Variants in LINGO2 observed in about 807,000 individuals in gnomAD.
LINGO2 encodes the protein leucine-rich repeat and immunoglobulin-like domain-containing nogo receptor-interacting protein 2.
Under a neutral mutation model 30.6 loss-of-function variants are expected in LINGO2, and 14 were observed. The ratio of observed to expected loss-of-function variants is 0.46; its 90% CI spans 0.30 to 0.72. LINGO2 has a LOEUF of 0.72. Among genes scored for constraint, LINGO2 ranks in the 30% least tolerant of loss-of-function variants. The pLI is 0.07. For synonymous variants in LINGO2, 317 were observed against 288.5 expected (o/e 1.10, Z -1.00); for missense variants, 729 against 751.7 (o/e 0.97, Z 0.35).
the LINGO2 span, among the ~76,000 whole-genome samples, chr9:28,848,363 TTGTG>T: frequency 5.6e-3 from 417 of 74,554 alleles, 2 homozygotes; most frequent in Middle Eastern, 0.014. Flanking sequence ...TACACATATA[TTGTG>T]TGTGTGTGTG....
chr9:28,871,800 T>C, the LINGO2 span, among the ~76,000 whole-genome samples: 1 of 152,014 alleles, frequency 6.6e-6, no homozygotes, highest in Non-Finnish European at 1.5e-5. Flanking sequence ...CTTTATATGT[T>C]GGAGCCTTAC....
intron 3 of LINGO2, among the ~76,000 whole-genome samples, chr9:28,357,014 C>T (rs1820234298): frequency 6.6e-6 from 1 of 151,982 alleles, no homozygotes; most frequent in African/African-American, 2.4e-5. Context: ...ATCTAGGCTC[C>T]TATGCAATCA....
At chr9:29,189,609 G>A in the LINGO2 span, among the ~76,000 whole-genome samples, 1 of 152,074 alleles carries the variant, frequency 6.6e-6, no homozygotes, top group Non-Finnish European at 1.5e-5. Context: ...TTCCCAGACG[G>A]GGTGGCGGCC....
At chr9:28,053,745 G>T (rs187427518) in intron 4 of LINGO2, among the ~76,000 whole-genome samples, 1 of 151,938 alleles carries the variant, frequency 6.6e-6, no homozygotes. Context: ...TGGGTATGTT[G>T]GTAATTTTTA....
intron 1 of LINGO2, among the ~76,000 whole-genome samples, chr9:28,589,912 G>C (rs1237708021): frequency 6.6e-6 from 1 of 152,062 alleles, no homozygotes; most frequent in African/African-American, 2.4e-5. Flanking sequence ...TATACTACAA[G>C]GCTACAGTAA....
At chr9:28,801,070 C>A in the LINGO2 span, among the ~76,000 whole-genome samples, 1 of 152,118 alleles carries the variant, frequency 6.6e-6, no homozygotes, top group Non-Finnish European at 1.5e-5. Context: ...TGGTCCAGTT[C>A]ATTTCCTAAT....
the LINGO2 span, among the ~76,000 whole-genome samples, chr9:28,773,410 G>A: frequency 1.3e-5 from 2 of 151,052 alleles, no homozygotes; most frequent in Non-Finnish European, 2.9e-5. Context: ...TGTAGTGTTT[G>A]AAGGATAGCT....
intron 1 of LINGO2, among the ~76,000 whole-genome samples, chr9:28,509,440 T>C (rs1820281762): frequency 6.6e-6 from 1 of 152,098 alleles, no homozygotes; most frequent in South Asian, 2.1e-4. Context: ...TATTTTCCTA[T>C]CTGGATATTT....
At chr9:28,473,098 T>C (rs1825590269) in intron 2 of LINGO2, among the ~76,000 whole-genome samples, 2 of 152,274 alleles carry the variant, frequency 1.3e-5, no homozygotes, top group Middle Eastern at 3.4e-3. Flanking sequence ...TCTTGTTATT[T>C]TTTTCTTTAC....
chr9:28,012,922 C>A (rs1822633189), intron 4 of LINGO2, among the ~76,000 whole-genome samples: 1 of 152,170 alleles, frequency 6.6e-6, no homozygotes, highest in African/African-American at 2.4e-5. Context: ...ACTTGCAGCG[C>A]TTGTTAAGAC....
chr9:28,333,090 AAAG>A (rs1825478537), intron 3 of LINGO2, among the ~76,000 whole-genome samples: 2 of 152,188 alleles, frequency 1.3e-5, no homozygotes, highest in African/African-American at 4.8e-5. Context: ...CAGTCAGTAA[AAAG>A]AAGAGACACA....
intron 4 of LINGO2, among the ~76,000 whole-genome samples, chr9:28,180,830 GAC>G (rs141849308): frequency 1.0e-4 from 15 of 150,752 alleles, no homozygotes; most frequent in Admixed American, 6.6e-5. Context: ...TTCACACATA[GAC>G]ACACACACAC....
chr9:28,905,101 T>C, the LINGO2 span, among the ~76,000 whole-genome samples: 2 of 151,904 alleles, frequency 1.3e-5, no homozygotes, highest in African/African-American at 4.8e-5. Flanking sequence ...TGGAGCTATA[T>C]CTCACATGAT....
rs542988680 is a variant in LINGO2, at chr9:28,426,314, G to A, written c.-279+49626C>T. Among the ~76,000 whole-genome samples, 10 of 152,108 alleles carry A rather than the reference G, an allele frequency of 6.6e-5. No homozygotes were observed. In the South Asian group the frequency reaches 2.1e-3, roughly 32 times the overall value. ...TACATAATATATAATAAAACATTTA[G>A]TACATGTACTGAAGTAGACATAGGA... On this transcript the variant is annotated intron_variant, in intron 2 of 5. Transcript: ENST00000379992.
the LINGO2 span, among the ~76,000 whole-genome samples, chr9:28,875,197 T>C: frequency 6.6e-6 from 1 of 152,102 alleles, no homozygotes; most frequent in Non-Finnish European, 1.5e-5. Context: ...CTGAAAATAT[T>C]TTTTAAAAAA....
intron 4 of LINGO2, among the ~76,000 whole-genome samples, chr9:28,031,075 G>A (rs375659895): frequency 5.3e-5 from 8 of 152,206 alleles, no homozygotes; most frequent in Middle Eastern, 3.4e-3. Context: ...TAATGGAGTC[G>A]ATTAATGAGG....
the LINGO2 span, among the ~76,000 whole-genome samples, chr9:28,880,475 C>T: frequency 3.0e-4 from 46 of 152,294 alleles, 2 homozygotes; most frequent in Non-Finnish European, 5.6e-4. Context: ...AAAGTCATCG[C>T]CATTCTCTAG....
chr9:28,912,290 A>C, the LINGO2 span, among the ~76,000 whole-genome samples: 1 of 152,110 alleles, frequency 6.6e-6, no homozygotes, highest in Non-Finnish European at 1.5e-5. Flanking sequence ...AGTTCTATGA[A>C]AAACCTGTGC....
chr9:28,451,128 A>G (rs1365744953), intron 2 of LINGO2, among the ~76,000 whole-genome samples: 1 of 151,896 alleles, frequency 6.6e-6, no homozygotes, highest in Non-Finnish European at 1.5e-5. Flanking sequence ...ATAACTAACC[A>G]ATAGGATCAA....
Sources: gnomAD v4.1 joint callset for allele counts (sites outside exome capture counted in the v4.1 genomes callset) on GRCh38, gnomAD v4.1.1 for gene constraint, MANE v1.5 for transcripts, NCBI Gene and HGNC (gene_info 2026-07-23, HGNC 2026-07-21) for gene names.